The following CDH23 variants were observed in gnomAD, a reference collection of about 807,000 sequenced individuals.
The protein encoded by CDH23 is cadherin-23.
CDH23 carries 189 observed loss-of-function variants against 317.1 expected under a neutral mutation model. The observed-to-expected ratio is 0.60, with a 90% CI of 0.53 to 0.67. CDH23 has a LOEUF of 0.67. Ranked by LOEUF, CDH23 falls within the 30% of genes least tolerant of loss-of-function variation. The probability of loss-of-function intolerance (pLI) is 0.00; values close to 1 mark genes in which losing one functional copy is unlikely to be tolerated. For missense variants in CDH23, 4,401 were observed against 4,592.4 expected (o/e 0.96, Z 1.20); for synonymous variants, 1,839 against 1,876.8 (o/e 0.98, Z 0.52).
At chr10:71,427,720 T>C (rs1430312334) in intron 1 of CDH23, among the ~76,000 whole-genome samples, 1 of 151,522 alleles carries the variant, frequency 6.6e-6, no homozygotes, top group African/African-American at 2.4e-5. Flanking sequence ...TTACTTTTTT[T>C]TTTTTTTTTT....
intron 14 of CDH23, among the ~76,000 whole-genome samples, chr10:71,649,387 A>T (rs1263291864): frequency 6.6e-6 from 1 of 152,218 alleles, no homozygotes; most frequent in Non-Finnish European, 1.5e-5. Context: ...TTTAATATGC[A>T]ATGAAGGCAG....
At chr10:71,538,529 C>A (rs1031991898) in intron 6 of CDH23, among the ~76,000 whole-genome samples, 1 of 152,190 alleles carries the variant, frequency 6.6e-6, no homozygotes, top group South Asian at 2.1e-4. Flanking sequence ...TCTCTTCCTG[C>A]TTCCCTGTCA....
chr10:71,760,777 G>A, intron 38 of CDH23: 3 of 1,241,712 alleles, frequency 2.4e-6, no homozygotes, highest in Non-Finnish European at 3.6e-6. Flanking sequence ...GGCTTGGGGT[G>A]ATGAGGCCAG....
At chr10:71,674,911 A>G (rs1864295055) in intron 14 of CDH23, among the ~76,000 whole-genome samples, 1 of 152,132 alleles carries the variant, frequency 6.6e-6, no homozygotes, top group East Asian at 1.9e-4. Flanking sequence ...GGCGGTGGAG[A>G]GGCCAGTTTC....
intron 7 of CDH23, 143 bp downstream of exon 7, chr10:71,567,079 G>T (rs1454721200): frequency 1.2e-6 from 1 of 865,964 alleles, no homozygotes; most frequent in East Asian, 2.7e-5. Flanking sequence ...AGTCATGATA[G>T]AAATGAGGCT....
chr10:71,425,272 A>C, intron 1 of CDH23, among the ~76,000 whole-genome samples: 1 of 136,184 alleles, frequency 7.3e-6, no homozygotes, highest in African/African-American at 2.8e-5. Context: ...AGAGAGAGGA[A>C]GGAAGGAAGA....
At chr10:71,639,522 C>T (rs1299525677) in intron 11 of CDH23, among the ~76,000 whole-genome samples, 12 of 152,284 alleles carry the variant, frequency 7.9e-5, no homozygotes, top group African/African-American at 2.4e-4. Context: ...CTTGGAGCAG[C>T]GTTCTGTAGT....
intron 12 of CDH23, among the ~76,000 whole-genome samples, chr10:71,644,313 G>A (rs528896283): frequency 5.6e-4 from 85 of 152,358 alleles, no homozygotes; most frequent in Middle Eastern, 3.4e-3. Context: ...GCCAGTAACA[G>A]GGCACAGGCC....
chr10:71,698,677 C>A (rs1262787986), intron 22 of CDH23, among the ~76,000 whole-genome samples: 2 of 152,212 alleles, frequency 1.3e-5, no homozygotes, highest in Non-Finnish European at 2.9e-5. Flanking sequence ...TCTGTTTCAT[C>A]TGTCCCAGCT....
rs1230399545 is a variant in CDH23 at position 71,617,585 on chromosome 10, T to C, written c.1134+192T>C. On this transcript the variant is annotated intron_variant, in intron 11 of 69. Coordinates refer to ENST00000224721, the MANE Select transcript of CDH23 (RefSeq NM_022124.6). Reference sequence around the variant, plus strand: ...TACTTTTGGATTATCCCCTACACCCTGCAAAAAACATGTAAGCACATGTTT... The same window carrying C: ...TACTTTTGGATTATCCCCTACACCCCGCAAAAAACATGTAAGCACATGTTT... 1.9e-5 allele frequency: 27 copies of C among 1,389,466 alleles called. No individual in the cohort carries two copies. The Middle Eastern group carries it at 1.0e-3, about 53-fold the overall frequency. 86.1% of individuals were successfully genotyped at this position (1,389,466 alleles called of 1,614,324 possible). A position where few individuals can be genotyped will look rare whatever the true frequency, so the allele number is the denominator to read the frequency against.
chr10:71,516,120 G>A (rs1854320665), intron 6 of CDH23, among the ~76,000 whole-genome samples: 1 of 152,184 alleles, frequency 6.6e-6, no homozygotes, highest in Non-Finnish European at 1.5e-5. Flanking sequence ...TGCTGAGGAG[G>A]GACAGTGGCT....
chr10:71,685,804 C>G (rs1864851999), intron 18 of CDH23, among the ~76,000 whole-genome samples: 3 of 152,240 alleles, frequency 2.0e-5, no homozygotes, highest in African/African-American at 7.2e-5. Flanking sequence ...TGTCTGAGGA[C>G]CACACTTGAA....
intron 38 of CDH23, among the ~76,000 whole-genome samples, chr10:71,774,121 C>G (rs1313810955): frequency 1.3e-5 from 2 of 151,910 alleles, no homozygotes; most frequent in African/African-American, 4.8e-5. Context: ...CCAAGATCAG[C>G]ACATCCCTAC....
At chr10:71,813,409 T>G in intron 69 of CDH23, 61 bp downstream of exon 69, 1 of 1,388,094 alleles carries the variant, frequency 7.2e-7, no homozygotes, top group Non-Finnish European at 1.0e-6. Flanking sequence ...GCTCTCTGTC[T>G]CTTGCTGTCC....
Position 71,815,086 on chromosome 10 carries a change from G to A in CDH23, c.9873G>A (p.Thr3291=), listed in dbSNP as rs2290021. 155,801 of 1,610,376 alleles carry A rather than the reference G, an allele frequency of 0.097. 9,966 individuals carry two copies. Among genetic ancestry groups the A allele is most frequent in the East Asian group, 0.3 (13,376 of 44,766 alleles). The change falls in exon 70 of 70, where the codon ACG becomes ACA. Residue 3291 remains threonine (T), a synonymous_variant. Transcript: ENST00000224721. ...ATGTGGTGCACGGCAGCACGGGCAC[G>A]CTGCTGGCCACCGACCTCAACAGCC... ...GIHVVHGSTG[T]LLATDLNSLP...
chr10:71,472,333 C>T lies in CDH23; in HGVS notation c.145+25938C>T, dbSNP rs535135797. Among the ~76,000 whole-genome samples, 3 of 152,338 alleles carry T rather than the reference C, an allele frequency of 2.0e-5. No homozygotes were observed. The South Asian group carries it at 6.2e-4, about 32-fold the overall frequency. ...TAACACCACCTCCTCCCTTGTCCCT[C>T]CCGCAAAGGGCTGGCAGTGTGGCTT... On this transcript the variant is annotated intron_variant, in intron 3 of 69. Coordinates refer to ENST00000224721, the MANE Select transcript of CDH23 (RefSeq NM_022124.6).
chr10:71,569,282 C>T (rs186448619), intron 7 of CDH23, among the ~76,000 whole-genome samples: 1 of 152,316 alleles, frequency 6.6e-6, no homozygotes, highest in African/African-American at 2.4e-5. Context: ...CTAAAGACAA[C>T]CAGCCCTCCC....
At chr10:71,752,886 A>G in intron 38 of CDH23, 1 of 1,471,212 alleles carries the variant, frequency 6.8e-7, no homozygotes, top group Non-Finnish European at 9.3e-7. Flanking sequence ...TGCTCTAGGC[A>G]GCTAAACAGG....
chr10:71,741,998 G>A lies in CDH23; in HGVS notation c.4845+77G>A, dbSNP rs533102763. ...GCCTCCGAGTGAGGGGAACAAGATG[G>A]GTGAGAATGGAATTCCACACAGCAG... is the stretch of plus-strand genomic sequence containing the variant. On this transcript the variant is annotated intron_variant, in intron 38 of 69. Coordinates refer to ENST00000224721, the MANE Select transcript of CDH23 (RefSeq NM_022124.6). 4.2e-6 allele frequency: 5 copies of A among 1,176,940 alleles called. No homozygotes were observed. The South Asian group carries it at 7.4e-5, about 17-fold the overall frequency. 72.9% of individuals were successfully genotyped at this position (1,176,940 alleles called of 1,614,324 possible). A position where few individuals can be genotyped will look rare whatever the true frequency, so the allele number is the denominator to read the frequency against.
Sources: allele counts gnomAD v4.1 joint callset (sites outside exome capture counted in the v4.1 genomes callset), GRCh38; gene constraint gnomAD v4.1.1; transcripts MANE v1.5; gene names NCBI Gene and HGNC (gene_info 2026-07-23, HGNC 2026-07-21).